ZNF341: variants seen among roughly 807,000 people sequenced by gnomAD.
The protein encoded by ZNF341 is zinc finger protein 341.
ZNF341 carries 52 observed loss-of-function variants against 87.7 expected under a neutral mutation model. The observed-to-expected ratio is 0.59, with a 90% CI of 0.47 to 0.75. The LOEUF (loss-of-function observed/expected upper bound fraction) is 0.75, where lower values mean the gene tolerates loss of function less well. Ranked by LOEUF, ZNF341 falls within the 30% of genes least tolerant of loss-of-function variation. ZNF341 has a pLI of 0.00. For synonymous variants in ZNF341, 459 were observed against 472.7 expected (o/e 0.97, Z 0.38); for missense variants, 977 against 1,145.9 (o/e 0.85, Z 2.13).
chr20:33,747,623 A>T (rs1006608033), intron 3 of ZNF341, among the ~76,000 whole-genome samples: 3 of 148,026 alleles, frequency 2.0e-5, no homozygotes, highest in African/African-American at 7.4e-5. Context: ...TCAAAAAAAA[A>T]AAAAAAAAAA....
Position 33,749,003 on chromosome 20 carries a change from G to A in ZNF341, c.420G>A (p.Val140=), listed in dbSNP as rs146485548. 1.6e-5 allele frequency: 26 copies of A among 1,614,152 alleles called. No homozygotes were observed. In the African/African-American group the frequency reaches 3.1e-4, roughly 19 times the overall value. The change falls in exon 4 of 15, where the codon GTG becomes GTA. Residue 140 remains valine (V), a synonymous_variant. Coordinates refer to ENST00000375200, the MANE Select transcript of ZNF341 (RefSeq NM_001282933.2). ...VQGNILVSDD[V]LMSAMSAFTS... is the part of the protein sequence containing the mutation. ...GGAACATCTTGGTGAGCGATGATGT[G>A]CTCATGTCTGCCATGTCAGCCTTCA...
chr20:33,732,591 C>G lies in ZNF341; in HGVS notation c.31+539C>G, dbSNP rs74424190. Among the ~76,000 whole-genome samples the G allele has an allele frequency of 6.6e-6, 1 of 152,234 alleles. No homozygotes were observed. The highest frequency in any genetic ancestry group is 1.5e-5 in the Non-Finnish European group (1 of 68,046). On this transcript the variant is annotated intron_variant, in intron 1 of 14. Transcript: ENST00000375200. The surrounding 1 kb of genome is among the most constrained non-coding windows in gnomAD (Gnocchi z 4.5). ...ACAGCCTGGACTCAGAGCTTAGGGA[C>G]CCAAGCCAGCAAACACCTGGCGCCT...
intron 8 of ZNF341, among the ~76,000 whole-genome samples, chr20:33,763,354 G>A (rs1334188893): frequency 5.3e-5 from 8 of 152,076 alleles, no homozygotes; most frequent in African/African-American, 1.4e-4. Context: ...AAGCTGGAGC[G>A]CAGTAGTGCT....
chr20:33,737,483 G>GCCACCAT (rs2018715231), intron 1 of ZNF341, among the ~76,000 whole-genome samples: 1 of 151,968 alleles, frequency 6.6e-6, no homozygotes, highest in Non-Finnish European at 1.5e-5. Context: ...CACCATGCCC[G>GCCACCAT]GCTAATTTTT....
chr20:33,770,343 G>GGGGGGGGGGGGGGGGGGC, intron 10 of ZNF341, 51 bp downstream of exon 10: 1 of 511,254 alleles, frequency 2.0e-6, no homozygotes, highest in Non-Finnish European at 4.0e-6. Context: ...GGTGGGCAGG[G>GGGGGGGGGGGGGGGGGGC]AGCCCAGGGC....
intron 4 of ZNF341, among the ~76,000 whole-genome samples, 160 bp downstream of exon 4, chr20:33,749,232 G>A (rs2019006012): frequency 6.6e-6 from 1 of 152,234 alleles, no homozygotes. Flanking sequence ...TATAGATGGG[G>A]AAGCTGCTAC....
intron 8 of ZNF341, among the ~76,000 whole-genome samples, chr20:33,762,656 G>C (rs1198911003): frequency 1.3e-5 from 2 of 151,942 alleles, no homozygotes; most frequent in Non-Finnish European, 2.9e-5. Context: ...GCATGCATTC[G>C]GTATTTGTCC....
At chr20:33,788,369 C>T (rs2019917386) in intron 12 of ZNF341, 1 of 175,290 alleles carries the variant, frequency 5.7e-6, no homozygotes, top group Non-Finnish European at 1.2e-5. Flanking sequence ...CAGTGACTCA[C>T]CTGAAATCTT....
chr20:33,738,068 CAG>C (rs897499155), intron 1 of ZNF341, among the ~76,000 whole-genome samples: 10 of 149,922 alleles, frequency 6.7e-5, no homozygotes, highest in Non-Finnish European at 5.9e-5. Context: ...ACCCGGGAGA[CAG>C]AGGTTGCAGT....
intron 9 of ZNF341, 104 bp downstream of exon 9, chr20:33,767,145 C>T (rs1420785531): frequency 2.4e-5 from 32 of 1,329,072 alleles, no homozygotes; most frequent in Non-Finnish European, 3.1e-5. Context: ...ACCAGTGAGT[C>T]AGACCTTCCA....
At chr20:33,758,656 C>G (rs997564250) in intron 6 of ZNF341, 60 bp from the exon 7 acceptor site, 1 of 1,384,012 alleles carries the variant, frequency 7.2e-7, no homozygotes, top group African/African-American at 1.4e-5. Flanking sequence ...CAGAGGCTGC[C>G]CTTGGTGCCC....
chr20:33,782,264 A>T (rs2019761823), intron 11 of ZNF341, among the ~76,000 whole-genome samples: 1 of 152,244 alleles, frequency 6.6e-6, no homozygotes, highest in African/African-American at 2.4e-5. Flanking sequence ...TGATTGACAT[A>T]ACAAAAGCCT....
intron 11 of ZNF341, 80 bp from the exon 12 acceptor site, chr20:33,783,652 C>T (rs924619607): frequency 3.3e-5 from 52 of 1,598,990 alleles, no homozygotes; most frequent in Admixed American, 2.5e-4. Flanking sequence ...GGGCTGGAAA[C>T]GAGGAACCTT....
At chr20:33,769,327 CACTAAGTCAGATTTCTCAG>C (rs2019474694) in intron 9 of ZNF341, among the ~76,000 whole-genome samples, 1 of 137,378 alleles carries the variant, frequency 7.3e-6, no homozygotes, top group Non-Finnish European at 1.5e-5. Context: ...TATTCAGACC[CACTAAGTCAGATTTCTCAG>C]GGCCAGGGAG....
Position 33,770,121 on chromosome 20 carries a change from T to C in ZNF341, c.1451T>C (p.Phe484Ser). ...GTGGTCAAAAGCTGTGCCCAGACGT[T>C]CCCAAAGCTCGACACATTTCTGGAG... ...KCVVKSCAQTFPKLDTFLEHI... is the reference protein window; with the variant it reads ...KCVVKSCAQTSPKLDTFLEHI... The change falls in exon 10 of 15, where the codon TTC (phenylalanine) becomes TCC (serine). Residue 484 changes from phenylalanine to serine, a missense_variant. This residue lies in a region of ZNF341 where 241 missense variants were observed against 335.0 expected (regional missense o/e 0.72). Transcript: ENST00000375200. 6.2e-7 allele frequency: 1 copy of C among 1,613,912 alleles called. No homozygotes were observed. Among genetic ancestry groups the C allele is most frequent in the Non-Finnish European group, 8.5e-7 (1 of 1,179,920 alleles).
intron 5 of ZNF341, 25 bp downstream of exon 5, chr20:33,753,448 G>A (rs776856515): frequency 2.6e-6 from 4 of 1,552,984 alleles, no homozygotes; most frequent in Non-Finnish European, 3.5e-6. Context: ...CAGGGTGGAA[G>A]AGGACACTGG....
chr20:33,782,300 C>T (rs1017280386), intron 11 of ZNF341, among the ~76,000 whole-genome samples: 1 of 152,226 alleles, frequency 6.6e-6, no homozygotes, highest in Non-Finnish European at 1.5e-5. Flanking sequence ...TCCCCACCAC[C>T]ACCCCTGACC....
intron 7 of ZNF341, among the ~76,000 whole-genome samples, chr20:33,759,318 C>A (rs1369170737): frequency 2.0e-5 from 3 of 152,276 alleles, no homozygotes; most frequent in Admixed American, 6.5e-5. Context: ...GAGTTTCACT[C>A]TTGTTGCCCA....
rs2122705599 is a variant in ZNF341 at position 33,770,252 on chromosome 20, C to T, written c.1582C>T (p.Leu528=). The T allele has an allele frequency of 1.9e-6, 3 of 1,612,790 alleles. No homozygotes were observed. The highest frequency in any genetic ancestry group is 1.3e-5 in the African/African-American group (1 of 74,900). The stretch of plus-strand genomic sequence containing the variant: ...CGTGCACCAGTACTCCCACAGCCTC[C>T]TGCCACAGCACAGCCCCAAGAAGGA... ...LGVHQYSHSL[L]PQHSPKKDNA... Residue 528 remains leucine, a synonymous_variant, in exon 10 of 15, where the codon CTG becomes TTG. Coordinates refer to ENST00000375200, the MANE Select transcript of ZNF341 (RefSeq NM_001282933.2).
Sources: allele counts gnomAD v4.1 joint callset (sites outside exome capture counted in the v4.1 genomes callset), GRCh38; gene constraint gnomAD v4.1.1; regional missense constraint gnomAD v4.1.1; non-coding constraint Gnocchi (gnomAD v3.1); transcripts MANE v1.5; gene names NCBI Gene and HGNC (gene_info 2026-07-23, HGNC 2026-07-21).